The following DPF3 variants were observed in gnomAD, a reference collection of about 807,000 sequenced individuals.
The protein encoded by DPF3 is double PHD fingers 3, also known as zinc finger protein DPF3.
DPF3 carries 18 observed loss-of-function variants against 56.8 expected under a neutral mutation model. The observed-to-expected ratio is 0.32, with a 90% CI of 0.22 to 0.47. The LOEUF is 0.47. Ranked by LOEUF, DPF3 falls within the 20% of genes least tolerant of loss-of-function variation. DPF3 has a pLI of 1.00. For synonymous variants in DPF3, 188 were observed against 180.2 expected (o/e 1.04, Z -0.35); for missense variants, 403 against 488.8 (o/e 0.82, Z 1.65).
At chr14:72,827,407 T>G (rs1040192541) in intron 1 of DPF3, among the ~76,000 whole-genome samples, 2 of 151,868 alleles carry the variant, frequency 1.3e-5, no homozygotes, top group Non-Finnish European at 2.9e-5. Flanking sequence ...ATATCTTTTC[T>G]GAATTGTGCA....
At chr14:72,714,722 C>A (rs918347874) in intron 5 of DPF3, among the ~76,000 whole-genome samples, 2 of 152,120 alleles carry the variant, frequency 1.3e-5, no homozygotes, top group African/African-American at 4.8e-5. Flanking sequence ...TTCACAACTC[C>A]AAGAGGTGGT....
chr14:72,658,973 T>C (rs1886130082), intron 8 of DPF3, among the ~76,000 whole-genome samples: 1 of 151,838 alleles, frequency 6.6e-6, no homozygotes, highest in Non-Finnish European at 1.5e-5. Context: ...TGGGGAGATC[T>C]CATCAAAATG....
Position 72,850,117 on chromosome 14 carries a change from T to TAA in DPF3, c.32+43938_32+43939dup, listed in dbSNP as rs562352816. ...CTAGGCGACAGAGAGAAACTCCATC[T>TAA]AAAAAAAAAATTAGCTAGGTTTAAA... On this transcript the variant is annotated intron_variant, in intron 1 of 10. Transcript: ENST00000556509. Among the ~76,000 whole-genome samples, 6 of 150,346 alleles carry TAA rather than the reference T, an allele frequency of 4.0e-5. No homozygotes were observed. The South Asian group carries it at 1.1e-3, about 26-fold the overall frequency.
chr14:72,855,584 C>A (rs933043610), intron 1 of DPF3, among the ~76,000 whole-genome samples: 2 of 152,154 alleles, frequency 1.3e-5, no homozygotes, highest in African/African-American at 2.4e-5. Context: ...CATAGAACGC[C>A]TTGTCATGCC....
intron 1 of DPF3, among the ~76,000 whole-genome samples, chr14:72,787,770 T>C (rs1474082774): frequency 6.6e-6 from 1 of 152,126 alleles, no homozygotes; most frequent in Non-Finnish European, 1.5e-5. Context: ...TGGCAATACA[T>C]GGGCTTCTAA....
chr14:72,690,437 T>A (rs551366513), intron 7 of DPF3, among the ~76,000 whole-genome samples: 32 of 152,060 alleles, frequency 2.1e-4, no homozygotes, highest in Admixed American at 7.2e-4. Flanking sequence ...GACGGACACA[T>A]ATGCACATGT....
intron 1 of DPF3, among the ~76,000 whole-genome samples, chr14:72,819,146 G>C (rs1264145924): frequency 4.6e-5 from 7 of 152,192 alleles, no homozygotes; most frequent in Admixed American, 4.6e-4. Flanking sequence ...ACTACAGTAA[G>C]CTACCGTTCA....
In DPF3 at chr14:72,616,656, A is replaced by G. The variant is rs770243277; in HGVS notation, c.*2641T>C. 1.1e-4 allele frequency among the ~76,000 whole-genome samples: 16 copies of G among 152,118 alleles called. No individual in the cohort carries two copies. The highest frequency in any genetic ancestry group is 4.1e-4 in the South Asian group (2 of 4,820). ...ACTATCTCCACTTTCCAGGTGGGCA[A>G]TTGAGGTTCAGGGAGGTTAGGTGAC... is the stretch of plus-strand genomic sequence containing the variant. On this transcript the variant is annotated 3_prime_UTR_variant, in exon 11 of 11. Coordinates refer to ENST00000556509, the MANE Select transcript of DPF3 (RefSeq NM_001280542.3).
chr14:72,657,579 T>C (rs1381493301), intron 8 of DPF3, among the ~76,000 whole-genome samples: 1 of 152,154 alleles, frequency 6.6e-6, no homozygotes, highest in South Asian at 2.1e-4. Flanking sequence ...CACCTGGTAA[T>C]GTGAAATTCT....
intron 6 of DPF3, 56 bp from the exon 7 acceptor site, chr14:72,693,269 C>T (rs988353510): frequency 2.6e-6 from 4 of 1,565,680 alleles, no homozygotes; most frequent in African/African-American, 2.7e-5. Flanking sequence ...ACCTGTGCAG[C>T]CACCGCTATC....
intron 1 of DPF3, among the ~76,000 whole-genome samples, chr14:72,867,417 G>A (rs2140106521): frequency 6.6e-6 from 1 of 152,220 alleles, no homozygotes; most frequent in South Asian, 2.1e-4. Flanking sequence ...CTCTAAGGTG[G>A]TTCCTAGATC....
chr14:72,652,187 G>C (rs1338826622), intron 8 of DPF3, among the ~76,000 whole-genome samples: 1 of 152,176 alleles, frequency 6.6e-6, no homozygotes, highest in African/African-American at 2.4e-5. Context: ...CGCAATAAAA[G>C]CCGGCACCAC....
At chr14:72,802,178 A>C (rs1032735858) in intron 1 of DPF3, among the ~76,000 whole-genome samples, 4 of 151,344 alleles carry the variant, frequency 2.6e-5, no homozygotes, top group African/African-American at 9.8e-5. Context: ...CCACCTGAAC[A>C]CTACGAGACA....
At chr14:72,760,557 G>A (rs907917703) in intron 2 of DPF3, among the ~76,000 whole-genome samples, 2 of 152,066 alleles carry the variant, frequency 1.3e-5, no homozygotes, top group Non-Finnish European at 2.9e-5. Context: ...AGGTGAGGAG[G>A]GGCCTTATTC....
rs80251473 is a variant in DPF3, at chr14:72,686,859, C to A, written c.742+6217G>T. Among the ~76,000 whole-genome samples, 994 of 152,224 alleles carry A rather than the reference C, an allele frequency of 6.5e-3. 21 individuals are homozygous for A. The East Asian group carries it at 0.068, about 10-fold the overall frequency. On this transcript the variant is annotated intron_variant, in intron 7 of 10. Transcript: ENST00000556509. ...TGTAGGCTTTATGGCTTTTCAGTCA[C>A]CTTTCAGAGTAATCTAAAATTTCTA...
chr14:72,648,348 G>A (rs1885785719), intron 8 of DPF3, among the ~76,000 whole-genome samples: 1 of 152,144 alleles, frequency 6.6e-6, no homozygotes, highest in South Asian at 2.1e-4. Context: ...GATCACTTGA[G>A]GTCAGGAGTT....
chr14:72,766,926 G>T lies in DPF3; in HGVS notation c.193+4807C>A, dbSNP rs952075717. Among the ~76,000 whole-genome samples, 6 of 152,206 alleles carry T rather than the reference G, an allele frequency of 3.9e-5. No homozygotes were observed. In the East Asian group the frequency reaches 1.2e-3, roughly 29 times the overall value. On this transcript the variant is annotated intron_variant, in intron 2 of 10. Coordinates refer to ENST00000556509, the MANE Select transcript of DPF3 (RefSeq NM_001280542.3). ...GACAAGCAGGCATCCCAATAGCTTT[G>T]CTGGGTTGGTGTCAGAGAAGGCCAA...
chr14:72,647,826 A>C (rs1885769252), intron 8 of DPF3, among the ~76,000 whole-genome samples: 1 of 152,218 alleles, frequency 6.6e-6, no homozygotes, highest in Non-Finnish European at 1.5e-5. Context: ...GGAGGTGGCT[A>C]GCAGTAGCAA....
chr14:72,749,616 C>T (rs555447519), intron 3 of DPF3, among the ~76,000 whole-genome samples: 1 of 152,326 alleles, frequency 6.6e-6, no homozygotes, highest in South Asian at 2.1e-4. Context: ...TCTTGTAGCT[C>T]CCCTAATTCC....
Sources: gnomAD v4.1 joint callset for allele counts (sites outside exome capture counted in the v4.1 genomes callset) on GRCh38, gnomAD v4.1.1 for gene constraint, MANE v1.5 for transcripts, NCBI Gene and HGNC (gene_info 2026-07-23, HGNC 2026-07-21) for gene names.